The following PARD3B variants were observed in gnomAD, a reference collection of about 807,000 sequenced individuals.
PARD3B encodes partitioning defective 3 homolog B.
Under a neutral mutation model 130.2 loss-of-function variants are expected in PARD3B, and 103 were observed. The ratio of observed to expected loss-of-function variants is 0.79; its 90% confidence interval spans 0.67 to 0.93. The LOEUF is 0.93. Among genes scored for constraint, PARD3B ranks in the 40% least tolerant of loss-of-function variants. The pLI is 0.00. For missense variants in PARD3B, 1,609 were observed against 1,499.2 expected (o/e 1.07, Z -1.21); for synonymous variants, 583 against 553.2 (o/e 1.05, Z -0.76).
intron 1 of PARD3B, among the ~76,000 whole-genome samples, chr2:204,652,322 C>T (rs1429173851): frequency 6.6e-6 from 1 of 152,178 alleles, no homozygotes; most frequent in African/African-American, 2.4e-5. Context: ...AGCCAGGTCA[C>T]ATTGTAAATG....
At chr2:205,143,087 G>A (rs1381866199) in intron 10 of PARD3B, among the ~76,000 whole-genome samples, 1 of 152,144 alleles carries the variant, frequency 6.6e-6, no homozygotes, top group Non-Finnish European at 1.5e-5. Context: ...TTGAAATATT[G>A]TGCAAAGAAT....
chr2:205,539,579 C>T (rs1284293476), intron 21 of PARD3B, among the ~76,000 whole-genome samples: 1 of 152,272 alleles, frequency 6.6e-6, no homozygotes, highest in East Asian at 1.9e-4. Context: ...AGACTGTTCA[C>T]GAAGTAGCAG....
intron 2 of PARD3B, among the ~76,000 whole-genome samples, chr2:204,745,577 A>G (rs1335050708): frequency 6.6e-6 from 1 of 151,742 alleles, no homozygotes; most frequent in Non-Finnish European, 1.5e-5. Flanking sequence ...TAATCTTTGT[A>G]TTTTTAGTAG....
In PARD3B at chr2:205,057,516, TGC is replaced by T. The variant is rs1406059478; in HGVS notation, c.504+9827_504+9828del. ...ATGTATATATACATATATGTGTATG[TGC>T]ATGTGTATATATACATATATGTATA... is the stretch of plus-strand genomic sequence containing the variant. On this transcript the variant is annotated intron_variant, in intron 4 of 22. Coordinates refer to ENST00000406610, the MANE Select transcript of PARD3B (RefSeq NM_001302769.2). 1.4e-5 allele frequency among the ~76,000 whole-genome samples: 2 copies of T among 143,060 alleles called. 1 individual carries two copies. Among genetic ancestry groups the T allele is most frequent in the Non-Finnish European group, 3.0e-5 (2 of 66,230 alleles). The allele number at this position is 143,060 out of a possible 152,430, so 93.9% of individuals were successfully genotyped here.
intron 22 of PARD3B, among the ~76,000 whole-genome samples, chr2:205,607,835 C>CCCATACACCCAT (rs779456579): frequency 1.2e-5 from 1 of 85,024 alleles, no homozygotes; most frequent in African/African-American, 3.5e-5. Flanking sequence ...CACCCATACA[C>CCCATACACCCAT]ACACACACAC....
chr2:205,590,332 C>T lies in PARD3B; in HGVS notation c.3261-25124C>T, dbSNP rs765635787. 1.1e-4 allele frequency among the ~76,000 whole-genome samples: 17 copies of T among 152,302 alleles called. No homozygotes were observed. The highest frequency in any genetic ancestry group is 1.2e-4 in the Non-Finnish European group (8 of 68,034). ...ATTGTTGGCTTTGCTCTCAGGCACG[C>T]TCTTCCACCATGGTGGCAAGATGGC... On this transcript the variant is annotated intron_variant, in intron 22 of 22. Transcript: ENST00000406610. This position sits in a 1 kb window ranked among gnomAD's most constrained non-coding sequence, Gnocchi z 4.1.
chr2:204,620,699 A>T (rs1046961705), intron 1 of PARD3B, among the ~76,000 whole-genome samples: 3 of 152,210 alleles, frequency 2.0e-5, no homozygotes, highest in African/African-American at 7.2e-5. Flanking sequence ...CACTAACTGT[A>T]TACGTAGTCC....
chr2:205,491,284 A>G (rs1210841520), intron 20 of PARD3B, among the ~76,000 whole-genome samples: 1 of 152,178 alleles, frequency 6.6e-6, no homozygotes, highest in African/African-American at 2.4e-5. Context: ...TAATTTTTGT[A>G]TAAGGTGTAA....
At chr2:204,997,154 T>A (rs561244324) in intron 3 of PARD3B, among the ~76,000 whole-genome samples, 41 of 152,230 alleles carry the variant, frequency 2.7e-4, no homozygotes, top group Non-Finnish European at 5.7e-4. Flanking sequence ...ACCCTAACTT[T>A]ATAATACTCC....
chr2:204,774,687 T>G (rs1311938064), intron 2 of PARD3B, among the ~76,000 whole-genome samples: 1 of 152,164 alleles, frequency 6.6e-6, no homozygotes, highest in Admixed American at 6.6e-5. Context: ...AAAATACACT[T>G]TGATTTATAA....
chr2:204,825,289 G>A (rs2043525196), intron 2 of PARD3B, among the ~76,000 whole-genome samples: 1 of 152,182 alleles, frequency 6.6e-6, no homozygotes, highest in East Asian at 1.9e-4. Flanking sequence ...TGTCCCCAGG[G>A]AGAGTTCAGG....
chr2:205,166,418 A>G (rs2034822154), intron 11 of PARD3B, among the ~76,000 whole-genome samples: 1 of 152,192 alleles, frequency 6.6e-6, no homozygotes. Flanking sequence ...TCACCAAGGT[A>G]TGTACACCAA....
chr2:205,446,167 G>C lies in PARD3B; in HGVS notation c.3044+5495G>C, dbSNP rs751556076. On this transcript the variant is annotated intron_variant, in intron 20 of 22. Coordinates refer to ENST00000406610, the MANE Select transcript of PARD3B (RefSeq NM_001302769.2). This position sits in a 1 kb window ranked among gnomAD's most constrained non-coding sequence, Gnocchi z 4.4. ...CAGTAAAATAGAAACCTGGTGGGAG[G>C]GGTAAATGGAAAGAGAGAACATGGG... 4.6e-4 allele frequency among the ~76,000 whole-genome samples: 70 copies of C among 152,042 alleles called. No individual in the cohort carries two copies. The highest frequency in any genetic ancestry group is 1.3e-4 in the Non-Finnish European group (9 of 68,028).
At chr2:205,516,954 A>G (rs916965631) in intron 21 of PARD3B, among the ~76,000 whole-genome samples, 1 of 152,086 alleles carries the variant, frequency 6.6e-6, no homozygotes, top group African/African-American at 2.4e-5. Context: ...TACCTAGTTT[A>G]TTGAGAGTTT....
At chr2:204,786,207 A>G (rs1175017664) in intron 2 of PARD3B, among the ~76,000 whole-genome samples, 1 of 151,992 alleles carries the variant, frequency 6.6e-6, no homozygotes, top group East Asian at 1.9e-4. Context: ...GGACGAGGTT[A>G]TGCAGGTGAC....
chr2:204,971,837 T>A (rs1391144641), intron 3 of PARD3B, among the ~76,000 whole-genome samples: 12 of 105,632 alleles, frequency 1.1e-4, no homozygotes, highest in Non-Finnish European at 2.0e-4. Flanking sequence ...TGTTTTAATT[T>A]TTTTTTTTTT....
intron 1 of PARD3B, among the ~76,000 whole-genome samples, chr2:204,662,876 C>A (rs1425184769): frequency 6.6e-6 from 1 of 152,074 alleles, no homozygotes; most frequent in Admixed American, 6.6e-5. Flanking sequence ...TAGCTTTGAC[C>A]TTTTGGACTT....
chr2:204,964,678 T>C (rs1691069902), intron 2 of PARD3B, among the ~76,000 whole-genome samples: 1 of 152,204 alleles, frequency 6.6e-6, no homozygotes, highest in Non-Finnish European at 1.5e-5. Context: ...GTAGAGTGTA[T>C]CTACAGGGAC....
intron 1 of PARD3B, among the ~76,000 whole-genome samples, chr2:204,549,058 C>T (rs1380442426): frequency 6.6e-6 from 1 of 152,210 alleles, no homozygotes; most frequent in Non-Finnish European, 1.5e-5. Flanking sequence ...GAAGTAACCA[C>T]TACCTGTTGA....
Sources: gnomAD v4.1 joint callset for allele counts (sites outside exome capture counted in the v4.1 genomes callset) on GRCh38, gnomAD v4.1.1 for gene constraint, Gnocchi (gnomAD v3.1) non-coding constraint, MANE v1.5 for transcripts, NCBI Gene and HGNC (gene_info 2026-07-23, HGNC 2026-07-21) for gene names.